Variants in NXPH1 observed in about 807,000 individuals in gnomAD.
The protein encoded by NXPH1 is neurexophilin 1, also known as neurexophilin-1.
NXPH1 carries 5 observed loss-of-function variants against 23.7 expected under a neutral mutation model. The observed-to-expected ratio is 0.21, with a 90% CI of 0.11 to 0.44. The LOEUF is 0.44. Among genes scored for constraint, NXPH1 ranks in the 20% least tolerant of loss-of-function variants. The probability of loss-of-function intolerance (pLI) is 0.99; values close to 1 mark genes in which losing one functional copy is unlikely to be tolerated. For synonymous variants in NXPH1, 144 were observed against 122.2 expected, an observed-to-expected ratio of 1.18 and a Z score of -1.18; for missense variants, 324 against 321.6, an observed-to-expected ratio of 1.01 and a Z score of -0.06.
intron 2 of NXPH1, among the ~76,000 whole-genome samples, chr7:8,599,104 T>C (rs1819296434): frequency 6.6e-6 from 1 of 152,098 alleles, no homozygotes; most frequent in African/African-American, 2.4e-5. Context: ...TTAACTCAAA[T>C]ACAATGTAGA....
At chr7:8,697,492 C>T (rs1779553511) in intron 2 of NXPH1, among the ~76,000 whole-genome samples, 1 of 152,130 alleles carries the variant, frequency 6.6e-6, no homozygotes, top group Non-Finnish European at 1.5e-5. Flanking sequence ...ACAGAAGACT[C>T]ACTCATTGTT....
At position 8,641,390 on chromosome 7, in the gene NXPH1, T is replaced by C. The variant is rs116304889; in HGVS notation, c.55-109618T>C. Among the ~76,000 whole-genome samples the C allele has an allele frequency of 8.3e-3, 1,268 of 152,290 alleles. 29 individuals carry two copies. Among genetic ancestry groups the C allele is most frequent in the African/African-American group, 0.029 (1,191 of 41,570 alleles). On this transcript the variant is annotated intron_variant, in intron 2 of 2. Coordinates refer to ENST00000405863, the MANE Select transcript of NXPH1 (RefSeq NM_152745.3). ...TTCAGGGATGACAAATTGTTATTTT[T>C]AAATTGGCCATGGTGGGAGTATTTC... is the stretch of plus-strand genomic sequence containing the variant.
chr7:8,584,634 G>T (rs911010701), intron 2 of NXPH1, among the ~76,000 whole-genome samples: 2 of 152,138 alleles, frequency 1.3e-5, no homozygotes, highest in Non-Finnish European at 2.9e-5. Context: ...AGTACCATGG[G>T]TTTGGAGGAC....
At chr7:8,612,370 T>C (rs1277688448) in intron 2 of NXPH1, among the ~76,000 whole-genome samples, 1 of 151,528 alleles carries the variant, frequency 6.6e-6, no homozygotes, top group Non-Finnish European at 1.5e-5. Flanking sequence ...GGTGACTCCC[T>C]GCTTCTCTTT....
intron 2 of NXPH1, among the ~76,000 whole-genome samples, chr7:8,468,969 T>A (rs1816827865): frequency 6.6e-6 from 1 of 152,072 alleles, no homozygotes; most frequent in Admixed American, 6.6e-5. Flanking sequence ...GACCATTTCT[T>A]TTCCATGCAA....
At chr7:8,750,910 T>G in intron 2 of NXPH1, 98 bp from the exon 3 acceptor site, 3 of 1,217,122 alleles carry the variant, frequency 2.5e-6, no homozygotes, top group Non-Finnish European at 2.3e-6. Context: ...AAAAGTGTAA[T>G]TATTTAATCC....
intron 2 of NXPH1, among the ~76,000 whole-genome samples, chr7:8,495,259 G>GA (rs1186949024): frequency 6.7e-6 from 1 of 148,414 alleles, no homozygotes; most frequent in African/African-American, 2.5e-5. Context: ...TTTTTCCTCA[G>GA]AAAACCTCAT....
chr7:8,561,382 A>ACACACACACG (rs1554256953), intron 2 of NXPH1, among the ~76,000 whole-genome samples: 1 of 144,574 alleles, frequency 6.9e-6, no homozygotes, highest in African/African-American at 2.6e-5. Flanking sequence ...ACACACACAC[A>ACACACACACG]CCTCTCTCTC....
intron 2 of NXPH1, among the ~76,000 whole-genome samples, chr7:8,745,064 G>C (rs1172881098): frequency 6.6e-6 from 1 of 152,200 alleles, no homozygotes; most frequent in Non-Finnish European, 1.5e-5. Flanking sequence ...GTAAGATTAA[G>C]TTTAAATGCC....
intron 2 of NXPH1, among the ~76,000 whole-genome samples, chr7:8,457,680 C>G (rs962835122): frequency 1.3e-5 from 2 of 151,952 alleles, no homozygotes; most frequent in East Asian, 3.9e-4. Flanking sequence ...TCTCAGCATT[C>G]TCCTTGACTG....
At chr7:8,638,271 T>C (rs9655523) in intron 2 of NXPH1, among the ~76,000 whole-genome samples, 53,052 of 151,980 alleles carry the variant, frequency 0.35, 10,121 homozygotes, top group African/African-American at 0.5. Context: ...GCTAGGAACC[T>C]GAATTGGCAC....
At chr7:8,572,349 A>G (rs1818665176) in intron 2 of NXPH1, among the ~76,000 whole-genome samples, 1 of 152,024 alleles carries the variant, frequency 6.6e-6, no homozygotes, top group Non-Finnish European at 1.5e-5. Context: ...TGATTAATAC[A>G]AACATGTATA....
At chr7:8,563,164 C>T (rs1309236524) in intron 2 of NXPH1, among the ~76,000 whole-genome samples, 1 of 151,772 alleles carries the variant, frequency 6.6e-6, no homozygotes, top group African/African-American at 2.4e-5. Flanking sequence ...CTCTATCACA[C>T]ATTGCAAAGA....
At chr7:8,438,654 C>G in intron 2 of NXPH1, among the ~76,000 whole-genome samples, 1 of 152,266 alleles carries the variant, frequency 6.6e-6, no homozygotes, top group Middle Eastern at 3.4e-3. Context: ...AATATTTAGG[C>G]TTCTGTTTAA....
chr7:8,588,364 G>C (rs916393632), intron 2 of NXPH1, among the ~76,000 whole-genome samples: 1 of 152,048 alleles, frequency 6.6e-6, no homozygotes, highest in African/African-American at 2.4e-5. Flanking sequence ...GACATAACTT[G>C]TACTAACTCA....
At chr7:8,684,096 T>G (rs550884986) in intron 2 of NXPH1, among the ~76,000 whole-genome samples, 1 of 152,260 alleles carries the variant, frequency 6.6e-6, no homozygotes, top group East Asian at 1.9e-4. Flanking sequence ...GTTTGATGTA[T>G]AGGACATAAG....
chr7:8,699,043 T>C (rs901029240), intron 2 of NXPH1, among the ~76,000 whole-genome samples: 1 of 152,170 alleles, frequency 6.6e-6, no homozygotes, highest in African/African-American at 2.4e-5. Flanking sequence ...ATTCAGCCAA[T>C]TTAGTGATAC....
At chr7:8,504,422 A>G (rs916595271) in intron 2 of NXPH1, among the ~76,000 whole-genome samples, 2 of 152,038 alleles carry the variant, frequency 1.3e-5, no homozygotes, top group Non-Finnish European at 2.9e-5. Context: ...AGTCAAGTTC[A>G]TAAGACTCAA....
At chr7:8,745,259 G>C (rs1780447215) in intron 2 of NXPH1, among the ~76,000 whole-genome samples, 1 of 152,136 alleles carries the variant, frequency 6.6e-6, no homozygotes, top group Non-Finnish European at 1.5e-5. Context: ...AAGGCTATGA[G>C]ATATGTATAC....
Sources: gnomAD v4.1 joint callset for allele counts (sites outside exome capture counted in the v4.1 genomes callset) on GRCh38, gnomAD v4.1.1 for gene constraint, MANE v1.5 for transcripts, NCBI Gene and HGNC (gene_info 2026-07-23, HGNC 2026-07-21) for gene names.